SNX31: variants seen among roughly 807,000 people sequenced by gnomAD.
SNX31 encodes sorting nexin-31.
SNX31 carries 58 observed loss-of-function variants against 65.4 expected under a neutral mutation model. The observed-to-expected ratio is 0.89, with a 90% CI of 0.72 to 1.10. The LOEUF (loss-of-function observed/expected upper bound fraction) is 1.10. SNX31 is among the 50% of genes least tolerant of loss of function. SNX31 has a pLI of 0.00. For missense variants in SNX31, 523 were observed against 529.7 expected, an observed-to-expected ratio of 0.99 and a Z score of 0.12; for synonymous variants, 181 against 190.1, an observed-to-expected ratio of 0.95 and a Z score of 0.39.
chr8:100,607,218 C>T (rs1258636765), intron 8 of SNX31, among the ~76,000 whole-genome samples: 1 of 152,206 alleles, frequency 6.6e-6, no homozygotes, highest in Non-Finnish European at 1.5e-5. Context: ...GAGATGTTCT[C>T]AGGGAACTCA....
intron 12 of SNX31, among the ~76,000 whole-genome samples, chr8:100,581,438 G>T (rs1813547011): frequency 6.6e-6 from 1 of 150,896 alleles, no homozygotes; most frequent in South Asian, 2.1e-4. Context: ...AAATTTTAAT[G>T]ATGTCTTCAT....
Position 100,611,899 on chromosome 8 carries a change from G to C in SNX31, c.611+101C>G, listed in dbSNP as rs957727217. 18 of 883,264 alleles carry C rather than the reference G, an allele frequency of 2.0e-5. No individual in the cohort carries two copies. In the African/African-American group the frequency reaches 2.3e-4, roughly 11 times the overall value. 54.7% of individuals were successfully genotyped at this position (883,264 alleles called of 1,614,324 possible). On this transcript the variant is annotated intron_variant, in intron 7 of 13. Transcript: ENST00000311812. ...GCCTTCTCTAAGTTCTTGGTCTCCA[G>C]CTGTCAGGCTATGAGCAGGATGTGA...
In SNX31 at chr8:100,592,879, T is replaced by C. The variant is rs118173423; in HGVS notation, c.978+3760A>G. Among the ~76,000 whole-genome samples the C allele has an allele frequency of 8.1e-3, 1,239 of 152,332 alleles. 8 individuals carry two copies. The highest frequency in any genetic ancestry group is 0.013 in the Non-Finnish European group (867 of 68,012). The stretch of plus-strand genomic sequence containing the variant: ...AAAGCTAGTCACAAGGATCACATAT[T>C]ATATGATTCCATTAATATACGGGTC... On this transcript the variant is annotated intron_variant, in intron 10 of 13. Transcript: ENST00000311812.
At chr8:100,601,456 A>ACAAGT (rs1815618624) in intron 8 of SNX31, among the ~76,000 whole-genome samples, 1 of 152,228 alleles carries the variant, frequency 6.6e-6, no homozygotes. Flanking sequence ...ATGGATACTT[A>ACAAGT]CAAGTCAAGG....
intron 10 of SNX31, 25 bp downstream of exon 10, chr8:100,596,614 C>CA: frequency 6.2e-7 from 1 of 1,607,108 alleles, no homozygotes; most frequent in Non-Finnish European, 8.5e-7. Flanking sequence ...AAGTCATGGG[C>CA]AAAGCAAGGT....
chr8:100,612,906 G>T lies in SNX31; in HGVS notation c.523+89C>A. On this transcript the variant is annotated intron_variant, in intron 6 of 13. Transcript: ENST00000311812. The surrounding 1 kb of genome is among the most constrained non-coding windows in gnomAD (Gnocchi z 4.3). ...GGTAGGGATCACAGCCCAGTGGGTG[G>T]CCAGCCCCTCAGCTGTGACTCCTAT... The T allele has an allele frequency of 9.0e-7, 1 of 1,113,968 alleles. No individual in the cohort carries two copies. Among genetic ancestry groups the T allele is most frequent in the Non-Finnish European group, 1.4e-6 (1 of 727,630 alleles). 69.0% of individuals were successfully genotyped at this position (1,113,968 alleles called of 1,614,324 possible).
intron 5 of SNX31, among the ~76,000 whole-genome samples, chr8:100,615,312 C>T (rs1234321210): frequency 6.6e-6 from 1 of 152,212 alleles, no homozygotes; most frequent in Non-Finnish European, 1.5e-5. Context: ...CCTGGAGATA[C>T]TGCCCTACTC....
chr8:100,657,392 C>T (rs1048039620), intron 1 of SNX31, among the ~76,000 whole-genome samples: 4 of 149,192 alleles, frequency 2.7e-5, no homozygotes, highest in African/African-American at 5.0e-5. Context: ...GCAGAGGTTG[C>T]GGTGAGCCAA....
In SNX31 at chr8:100,576,503, G is replaced by C. The variant is rs1813055175; in HGVS notation, c.1227+516C>G. ...CACTAATTTCCTCAACTTATTTATA[G>C]GGCTGTGAAGGAATGTGTTAATTCA... is the stretch of plus-strand genomic sequence containing the variant. On this transcript the variant is annotated intron_variant, in intron 13 of 13. Coordinates refer to ENST00000311812, the MANE Select transcript of SNX31 (RefSeq NM_152628.4). The surrounding 1 kb of genome is among the most constrained non-coding windows in gnomAD (Gnocchi z 4.8). 6.6e-6 allele frequency among the ~76,000 whole-genome samples: 1 copy of C among 152,172 alleles called. No individual in the cohort carries two copies.
intron 3 of SNX31, among the ~76,000 whole-genome samples, chr8:100,635,285 G>A (rs1305987858): frequency 7.0e-6 from 1 of 143,490 alleles, no homozygotes; most frequent in Non-Finnish European, 1.5e-5. Context: ...TGTCACCCAG[G>A]CTGGAGTACG....
chr8:100,608,377 A>T, intron 8 of SNX31, 117 bp downstream of exon 8: 1 of 860,628 alleles, frequency 1.2e-6, no homozygotes, highest in Non-Finnish European at 1.9e-6. Context: ...GTCTCTATGA[A>T]TGTGCCTGTT....
upstream of SNX31, among the ~76,000 whole-genome samples, chr8:100,651,980 T>C (rs1463525675): frequency 8.0e-6 from 1 of 125,558 alleles, no homozygotes; most frequent in East Asian, 2.5e-4. Flanking sequence ...TACAAGTTTT[T>C]AATTCTTTTT....
intron 2 of SNX31, among the ~76,000 whole-genome samples, chr8:100,642,882 A>G (rs1819355895): frequency 6.6e-6 from 1 of 152,060 alleles, no homozygotes; most frequent in Admixed American, 6.6e-5. Context: ...CTGTGATCTG[A>G]CAAATATTTT....
At chr8:100,644,006 C>T (rs1819454760) in intron 2 of SNX31, among the ~76,000 whole-genome samples, 1 of 152,116 alleles carries the variant, frequency 6.6e-6, no homozygotes, top group Non-Finnish European at 1.5e-5. Flanking sequence ...AACGATTGCT[C>T]CCTTGACAGG....
chr8:100,640,546 AG>A (rs1490407613), intron 2 of SNX31, among the ~76,000 whole-genome samples: 1 of 152,258 alleles, frequency 6.6e-6, no homozygotes, highest in Non-Finnish European at 1.5e-5. Context: ...AGGACAAAAG[AG>A]TAACTTTACA....
At chr8:100,659,617 G>GT (rs112582153) in intron 1 of SNX31, among the ~76,000 whole-genome samples, 70,988 of 151,642 alleles carry the variant, frequency 0.47, 18,585 homozygotes, top group African/African-American at 0.72. Context: ...ATTTTTAAGT[G>GT]TTTTTTTTGT....
At position 100,648,111 on chromosome 8, in the gene SNX31, C is replaced by T. The variant is rs1368002472; in HGVS notation, c.141+1163G>A. ...CTTGAAAATGGACTTTTCCAATGCACTGTGATGTATGAGCAAGAAGGCTTG... is the reference window on the plus strand; with the variant it reads ...CTTGAAAATGGACTTTTCCAATGCATTGTGATGTATGAGCAAGAAGGCTTG... On this transcript the variant is annotated intron_variant, in intron 2 of 13. Coordinates refer to ENST00000311812, the MANE Select transcript of SNX31 (RefSeq NM_152628.4). The surrounding 1 kb of genome is among the most constrained non-coding windows in gnomAD (Gnocchi z 4.3). Among the ~76,000 whole-genome samples, 1 of 152,162 alleles carries T rather than the reference C, an allele frequency of 6.6e-6. No homozygotes were observed. The highest frequency in any genetic ancestry group is 1.5e-5 in the Non-Finnish European group (1 of 68,038).
upstream of SNX31, among the ~76,000 whole-genome samples, chr8:100,650,392 T>A (rs1326840887): frequency 2.6e-5 from 4 of 152,180 alleles, no homozygotes; most frequent in Non-Finnish European, 5.9e-5. Flanking sequence ...ACAGAGGACA[T>A]CCTACCACGG....
In SNX31 at chr8:100,594,835, AC is replaced by A. The variant is rs1487560982; in HGVS notation, c.978+1803del. 6.6e-6 allele frequency among the ~76,000 whole-genome samples: 1 copy of A among 152,216 alleles called. No individual in the cohort carries two copies. Among genetic ancestry groups the A allele is most frequent in the Non-Finnish European group, 1.5e-5 (1 of 68,036 alleles). On this transcript the variant is annotated intron_variant, in intron 10 of 13. Coordinates refer to ENST00000311812, the MANE Select transcript of SNX31 (RefSeq NM_152628.4). The surrounding 1 kb of genome is among the most constrained non-coding windows in gnomAD (Gnocchi z 4.0). ...AATGAAGACTCATGGCCAGGCAAAC[AC>A]CTGTATGTGAAGATTTATAGCAGCT...
Sources: gnomAD v4.1 joint callset for allele counts (sites outside exome capture counted in the v4.1 genomes callset) on GRCh38, gnomAD v4.1.1 for gene constraint, Gnocchi (gnomAD v3.1) non-coding constraint, MANE v1.5 for transcripts, NCBI Gene and HGNC (gene_info 2026-07-23, HGNC 2026-07-21) for gene names.